The following SPOCK3 variants were observed in gnomAD, a reference collection of about 807,000 sequenced individuals.
SPOCK3 encodes testican-3.
SPOCK3 carries 30 observed loss-of-function variants against 56.6 expected under a neutral mutation model. The observed-to-expected ratio is 0.53, with a 90% CI of 0.40 to 0.72. The LOEUF is 0.72. SPOCK3 is among the 30% of genes least tolerant of loss of function. The pLI is 0.00. For missense variants in SPOCK3, 527 were observed against 530.0 expected, an observed-to-expected ratio of 0.99 and a Z score of 0.06; for synonymous variants, 196 against 183.3, an observed-to-expected ratio of 1.07 and a Z score of -0.56.
At chr4:167,028,914 T>G (rs1048021179) in intron 3 of SPOCK3, among the ~76,000 whole-genome samples, 8 of 152,072 alleles carry the variant, frequency 5.3e-5, no homozygotes, top group Admixed American at 6.6e-5. Context: ...CTTAGCAATC[T>G]TTTTTCTTCA....
intron 2 of SPOCK3, among the ~76,000 whole-genome samples, chr4:167,206,485 A>G (rs1734345491): frequency 6.7e-6 from 1 of 149,356 alleles, no homozygotes; most frequent in Admixed American, 6.8e-5. Context: ...AAAATATATA[A>G]GAATTACATT....
chr4:166,804,120 T>C (rs892316383), intron 6 of SPOCK3, among the ~76,000 whole-genome samples: 3 of 152,132 alleles, frequency 2.0e-5, no homozygotes, highest in Admixed American at 2.0e-4. Context: ...CAATCCATGC[T>C]TAGGAGTAGT....
chr4:167,108,969 ATATAAATAT>A (rs1466486307), intron 2 of SPOCK3, among the ~76,000 whole-genome samples: 4 of 78,236 alleles, frequency 5.1e-5, no homozygotes, highest in African/African-American at 2.5e-4. Context: ...ATATATAAAT[ATATAAATAT>A]TATAAATATA....
chr4:167,089,798 C>T (rs543145083), intron 2 of SPOCK3, among the ~76,000 whole-genome samples: 41 of 152,084 alleles, frequency 2.7e-4, no homozygotes, highest in African/African-American at 9.6e-4. Flanking sequence ...ATAGTAAATC[C>T]TCTATCTTCA....
intron 2 of SPOCK3, among the ~76,000 whole-genome samples, chr4:167,144,355 T>C (rs1763766623): frequency 3.3e-5 from 5 of 151,978 alleles, no homozygotes; most frequent in Admixed American, 3.3e-4. Context: ...TAAGAAAATA[T>C]GCTGTGTAAA....
chr4:167,218,300 G>A lies in SPOCK3; in HGVS notation c.189+15685C>T, dbSNP rs572916366. On this transcript the variant is annotated intron_variant, in intron 2 of 10. Coordinates refer to ENST00000357545, the MANE Select transcript of SPOCK3 (RefSeq NM_001040159.2). ...TTAACTTGGCCTCAGATGATGTTTT[G>A]ACGTTTTACTTGACTTCTGATCCTA... Among the ~76,000 whole-genome samples, 6 of 152,222 alleles carry A rather than the reference G, an allele frequency of 3.9e-5. No individual in the cohort carries two copies. The South Asian group carries it at 6.2e-4, about 16-fold the overall frequency.
At chr4:167,065,025 C>T (rs1219783919) in intron 2 of SPOCK3, among the ~76,000 whole-genome samples, 1 of 49,828 alleles carries the variant, frequency 2.0e-5, no homozygotes, top group Admixed American at 3.9e-4. Flanking sequence ...TTTTCAAATC[C>T]AATGCCCTCT....
At chr4:166,931,264 G>A in intron 4 of SPOCK3, among the ~76,000 whole-genome samples, 1 of 151,090 alleles carries the variant, frequency 6.6e-6, no homozygotes, top group Middle Eastern at 3.2e-3. Context: ...TTTCAGGCGT[G>A]AGCCACCGCT....
intron 3 of SPOCK3, among the ~76,000 whole-genome samples, chr4:167,045,167 C>G (rs968631752): frequency 1.3e-5 from 2 of 152,034 alleles, no homozygotes; most frequent in African/African-American, 4.8e-5. Flanking sequence ...TGATAATTGT[C>G]TTTGTTCTCA....
At chr4:167,009,142 T>A (rs893937050) in intron 3 of SPOCK3, among the ~76,000 whole-genome samples, 2 of 152,096 alleles carry the variant, frequency 1.3e-5, no homozygotes, top group Admixed American at 1.3e-4. Context: ...CCAGAAAAAT[T>A]ATAATTAAAA....
intron 6 of SPOCK3, among the ~76,000 whole-genome samples, chr4:166,811,640 AGATTGGT>A (rs1465952016): frequency 1.6e-4 from 25 of 152,002 alleles, no homozygotes; most frequent in African/African-American, 5.5e-4. Context: ...TTAAGATAAG[AGATTGGT>A]GATTGCTAAA....
At chr4:166,784,015 AG>A (rs1740468645) in intron 7 of SPOCK3, among the ~76,000 whole-genome samples, 1 of 152,102 alleles carries the variant, frequency 6.6e-6, no homozygotes, top group South Asian at 2.1e-4. Context: ...CCGATAGTTC[AG>A]ATGACTGGCT....
intron 4 of SPOCK3, among the ~76,000 whole-genome samples, chr4:166,960,913 G>A (rs756690123): frequency 2.0e-5 from 3 of 152,128 alleles, no homozygotes; most frequent in Non-Finnish European, 4.4e-5. Context: ...GGGCTGAGGA[G>A]AATTTATCAC....
At chr4:166,752,688 G>T (rs1736576037) in intron 8 of SPOCK3, among the ~76,000 whole-genome samples, 1 of 151,308 alleles carries the variant, frequency 6.6e-6, no homozygotes, top group South Asian at 2.1e-4. Flanking sequence ...GAAAAAATCA[G>T]CATATAAATT....
At chr4:166,783,140 C>G (rs1023702301) in intron 7 of SPOCK3, among the ~76,000 whole-genome samples, 1 of 152,160 alleles carries the variant, frequency 6.6e-6, no homozygotes, top group African/African-American at 2.4e-5. Flanking sequence ...GAGTGCATCA[C>G]TTGAGGTAAG....
intron 2 of SPOCK3, among the ~76,000 whole-genome samples, chr4:167,136,305 C>T (rs1364002831): frequency 6.6e-6 from 1 of 151,934 alleles, no homozygotes; most frequent in East Asian, 1.9e-4. Context: ...AGATATGACG[C>T]AAAGATTAAA....
intron 6 of SPOCK3, among the ~76,000 whole-genome samples, chr4:166,830,362 T>C (rs1416785773): frequency 6.6e-6 from 1 of 152,218 alleles, no homozygotes. Flanking sequence ...CTTGTTACTT[T>C]AAACATATTT....
At chr4:167,011,087 A>G (rs1749999465) in intron 3 of SPOCK3, 2 of 257,568 alleles carry the variant, frequency 7.8e-6, no homozygotes, top group Admixed American at 4.4e-5. Flanking sequence ...AAAACTCACA[A>G]TTGGTGAAAC....
intron 8 of SPOCK3, among the ~76,000 whole-genome samples, chr4:166,743,771 C>T (rs1237376411): frequency 6.6e-6 from 1 of 152,182 alleles, no homozygotes; most frequent in African/African-American, 2.4e-5. Context: ...TGCACTTTTA[C>T]AACGGTCTTA....
Sources: allele counts gnomAD v4.1 joint callset (sites outside exome capture counted in the v4.1 genomes callset), GRCh38; gene constraint gnomAD v4.1.1; transcripts MANE v1.5; gene names NCBI Gene and HGNC (gene_info 2026-07-23, HGNC 2026-07-21).